KIAA0232: variants seen among roughly 807,000 people sequenced by gnomAD.
KIAA0232 encodes uncharacterized protein KIAA0232.
A neutral mutation model predicts 122.0 loss-of-function variants in KIAA0232; 27 were observed. The ratio of observed to expected loss-of-function variants is 0.22; its 90% CI spans 0.16 to 0.31. The LOEUF is 0.31. Among genes scored for constraint, KIAA0232 ranks in the 10% least tolerant of loss-of-function variants. The probability of loss-of-function intolerance (pLI) is 1.00; values close to 1 mark genes in which losing one functional copy is unlikely to be tolerated. For missense variants in KIAA0232, 1,551 were observed against 1,634.2 expected, an observed-to-expected ratio of 0.95 and a Z score of 0.88; for synonymous variants, 613 against 587.6, an observed-to-expected ratio of 1.04 and a Z score of -0.63.
At chr4:6,812,729 C>T (rs1717935002) in intron 2 of KIAA0232, among the ~76,000 whole-genome samples, 1 of 151,906 alleles carries the variant, frequency 6.6e-6, no homozygotes, top group African/African-American at 2.4e-5. Flanking sequence ...AATAGAGCTG[C>T]CCAGATTTTT....
chr4:6,795,202 C>T (rs544347590), intron 1 of KIAA0232, among the ~76,000 whole-genome samples: 6 of 152,254 alleles, frequency 3.9e-5, no homozygotes, highest in African/African-American at 1.4e-4. Flanking sequence ...TCCTGAGCAG[C>T]TAGGACTACA....
intron 3 of KIAA0232, among the ~76,000 whole-genome samples, chr4:6,837,808 G>T (rs1719405392): frequency 6.6e-6 from 1 of 152,158 alleles, no homozygotes; most frequent in African/African-American, 2.4e-5. Context: ...CAGGCACCGG[G>T]CAGGCTGAGG....
At position 6,881,308 on chromosome 4, in the gene KIAA0232, A is replaced by AC. The variant is rs1361453138; in HGVS notation, c.*344dup. 5.9e-6 allele frequency: 1 copy of AC among 168,494 alleles called. No individual in the cohort carries two copies. The highest frequency in any genetic ancestry group is 1.3e-5 in the Non-Finnish European group (1 of 79,092). 10.4% of individuals were successfully genotyped at this position (168,494 alleles called of 1,614,324 possible). ...TTCCGACTGCGGTTATATCACTATG[A>AC]CCTTACTAGCATTGCAGTGTCAACA... On this transcript the variant is annotated 3_prime_UTR_variant, in exon 10 of 10. Transcript: ENST00000307659.
intron 2 of KIAA0232, among the ~76,000 whole-genome samples, chr4:6,814,281 A>C (rs2108988403): frequency 6.6e-6 from 1 of 152,012 alleles, no homozygotes. Flanking sequence ...TCATATTAGA[A>C]CTTTGTTGTA....
intron 1 of KIAA0232, among the ~76,000 whole-genome samples, chr4:6,799,394 T>G (rs1418043339): frequency 6.6e-6 from 1 of 151,458 alleles, no homozygotes; most frequent in Admixed American, 6.6e-5. Flanking sequence ...ATACCTTTTT[T>G]GGGGGAAACA....
chr4:6,814,742 G>C (rs1451995247), intron 2 of KIAA0232, among the ~76,000 whole-genome samples: 1 of 152,094 alleles, frequency 6.6e-6, no homozygotes, highest in Non-Finnish European at 1.5e-5. Context: ...GGGACTGTGT[G>C]CAAAAACCTA....
intron 1 of KIAA0232, among the ~76,000 whole-genome samples, chr4:6,802,543 C>T (rs1421983098): frequency 6.6e-6 from 1 of 151,414 alleles, no homozygotes; most frequent in Non-Finnish European, 1.5e-5. Flanking sequence ...TCTCAACCCC[C>T]CCCAACCCAC....
intron 4 of KIAA0232, among the ~76,000 whole-genome samples, chr4:6,847,978 G>A (rs1720058592): frequency 6.6e-6 from 1 of 152,090 alleles, no homozygotes; most frequent in African/African-American, 2.4e-5. Flanking sequence ...ACTTAATGAG[G>A]CCCTGTTTGA....
At position 6,794,292 on chromosome 4, in the gene KIAA0232, G is replaced by A. The variant is rs554123492; in HGVS notation, c.-353-10231G>A. Among the ~76,000 whole-genome samples, 76 of 152,264 alleles carry A rather than the reference G, an allele frequency of 5.0e-4. 1 individual carries two copies. The Middle Eastern group carries it at 0.01, about 20-fold the overall frequency. ...AAGGCCTGAGTCTGTTATCCCTTTC[G>A]GATTAAACCATTAGTTGGGGGCAGC... On this transcript the variant is annotated intron_variant, in intron 1 of 9. Coordinates refer to ENST00000307659, the MANE Select transcript of KIAA0232 (RefSeq NM_014743.3).
chr4:6,809,671 T>A (rs1717789182), intron 2 of KIAA0232, among the ~76,000 whole-genome samples: 1 of 152,086 alleles, frequency 6.6e-6, no homozygotes, highest in Non-Finnish European at 1.5e-5. Context: ...TGCTCTTATA[T>A]CTAGAAAAAC....
chr4:6,878,375 T>TGATTCATA (rs1477463699), intron 9 of KIAA0232, among the ~76,000 whole-genome samples: 2 of 56,906 alleles, frequency 3.5e-5, no homozygotes, highest in Admixed American at 1.5e-4. Flanking sequence ...ACTCCATCAT[T>TGATTCATA]CATTCATACA....
At chr4:6,870,034 A>G (rs3796909) in intron 7 of KIAA0232, among the ~76,000 whole-genome samples, 124,302 of 152,096 alleles carry the variant, frequency 0.82, 51,580 homozygotes, top group Non-Finnish European at 0.91. Flanking sequence ...GGGCAGGCTC[A>G]CTCTCTCAGG....
intron 2 of KIAA0232, among the ~76,000 whole-genome samples, chr4:6,811,576 G>A (rs1227957187): frequency 6.6e-6 from 1 of 152,014 alleles, no homozygotes; most frequent in Admixed American, 6.6e-5. Context: ...CTGAGTAGCT[G>A]GGACTCCAAG....
At chr4:6,849,490 C>T (rs1224313187) in intron 4 of KIAA0232, among the ~76,000 whole-genome samples, 1 of 152,220 alleles carries the variant, frequency 6.6e-6, no homozygotes, top group African/African-American at 2.4e-5. Context: ...GTGGCGCCCA[C>T]CCATAATCCC....
At chr4:6,807,674 C>T (rs927576797) in intron 2 of KIAA0232, among the ~76,000 whole-genome samples, 3 of 152,156 alleles carry the variant, frequency 2.0e-5, no homozygotes, top group African/African-American at 7.2e-5. Context: ...GTTGTAGATT[C>T]TTTATGGATT....
chr4:6,832,062 C>T (rs1442650057), intron 3 of KIAA0232, among the ~76,000 whole-genome samples: 3 of 152,148 alleles, frequency 2.0e-5, no homozygotes, highest in South Asian at 2.1e-4. Flanking sequence ...GTCTTTGTGT[C>T]GTTATTGGCT....
chr4:6,880,811 T>C lies in KIAA0232; in HGVS notation c.4033T>C (p.Cys1345Arg), dbSNP rs1722032145. 1.9e-6 allele frequency: 3 copies of C among 1,562,520 alleles called. No individual in the cohort carries two copies. The highest frequency in any genetic ancestry group is 2.4e-5 in the South Asian group (2 of 82,400). Reference protein sequence around the residue: ...NRVSSVYEARCTGERDSGAKS... With the variant: ...NRVSSVYEARRTGERDSGAKS... Reference sequence around the variant, plus strand: ...GGTGTCTTCTGTTTATGAAGCAAGATGTACAGGAGAGAGAGATTCTGGAGC... The same window carrying C: ...GGTGTCTTCTGTTTATGAAGCAAGACGTACAGGAGAGAGAGATTCTGGAGC... Residue 1345 changes from cysteine to arginine, a missense_variant, in exon 10 of 10, where the codon TGT becomes CGT. Transcript: ENST00000307659.
rs1164543695 is a variant in KIAA0232 at position 6,836,839 on chromosome 4, A to G, written c.232-5228A>G. On this transcript the variant is annotated intron_variant, in intron 3 of 9. Transcript: ENST00000307659. ...ATTTAACCCTTAGTGGACACAGCAC[A>G]TGTTTCAGAGAGCACGGGGTTGGGG... Among the ~76,000 whole-genome samples the G allele has an allele frequency of 2.0e-5, 3 of 151,820 alleles. 1 individual carries two copies. Among genetic ancestry groups the G allele is most frequent in the African/African-American group, 7.2e-5 (3 of 41,442 alleles).
chr4:6,797,771 CAA>C (rs963052887), intron 1 of KIAA0232, among the ~76,000 whole-genome samples: 48 of 47,284 alleles, frequency 1.0e-3, no homozygotes, highest in Admixed American at 1.9e-3. Context: ...CCCTGCCTCT[CAA>C]AAAAAAAAAA....
Sources: gnomAD v4.1 joint callset for allele counts (sites outside exome capture counted in the v4.1 genomes callset) on GRCh38, gnomAD v4.1.1 for gene constraint, MANE v1.5 for transcripts, NCBI Gene and HGNC (gene_info 2026-07-23, HGNC 2026-07-21) for gene names.